The following EYS variants were observed in gnomAD, a reference collection of about 807,000 sequenced individuals.
EYS encodes protein eyes shut homolog.
Under a neutral mutation model 282.1 loss-of-function variants are expected in EYS, and 250 were observed. That is an observed-to-expected ratio of 0.89 (90% CI 0.80 to 0.98). The LOEUF (loss-of-function observed/expected upper bound fraction) is 0.98. EYS is among the 50% of genes least tolerant of loss of function. The pLI is 0.00. For synonymous variants in EYS, 1,355 were observed against 1,282.9 expected, an observed-to-expected ratio of 1.06 and a Z score of -1.20; for missense variants, 4,016 against 3,709.0, an observed-to-expected ratio of 1.08 and a Z score of -2.15.
At chr6:63,775,714 C>A (rs1040758238) in intron 40 of EYS, among the ~76,000 whole-genome samples, 5 of 151,822 alleles carry the variant, frequency 3.3e-5, no homozygotes, top group African/African-American at 4.8e-5. Flanking sequence ...AGGAGGTATT[C>A]TTATATTGAG....
chr6:64,719,554 G>A (rs908322160), intron 22 of EYS, among the ~76,000 whole-genome samples: 3 of 152,160 alleles, frequency 2.0e-5, no homozygotes, highest in African/African-American at 7.2e-5. Context: ...GAGAAACCTT[G>A]GCAAGAAGGA....
chr6:65,665,319 T>C (rs1048156635), intron 1 of EYS, among the ~76,000 whole-genome samples: 3 of 152,142 alleles, frequency 2.0e-5, no homozygotes, highest in African/African-American at 7.2e-5. Context: ...ATACTTTCTT[T>C]CTTCATTTAT....
At chr6:63,869,643 T>A (rs556539783) in intron 35 of EYS, among the ~76,000 whole-genome samples, 3 of 152,170 alleles carry the variant, frequency 2.0e-5, no homozygotes, top group Admixed American at 2.0e-4. Context: ...AAATGAGGTA[T>A]GTGTGAGAAT....
At chr6:64,934,870 A>G (rs914323768) in intron 15 of EYS, among the ~76,000 whole-genome samples, 5 of 151,878 alleles carry the variant, frequency 3.3e-5, no homozygotes, top group African/African-American at 4.8e-5. Flanking sequence ...TATTAAAACC[A>G]GTATAAATAT....
intron 8 of EYS, among the ~76,000 whole-genome samples, chr6:65,373,729 T>G (rs1037388905): frequency 1.3e-5 from 2 of 152,190 alleles, no homozygotes; most frequent in Non-Finnish European, 2.9e-5. Context: ...CTATACTTTT[T>G]AATATTCTTG....
chr6:65,020,059 T>A, intron 13 of EYS, among the ~76,000 whole-genome samples: 1 of 152,152 alleles, frequency 6.6e-6, no homozygotes, highest in East Asian at 1.9e-4. Context: ...ATGGGGATTA[T>A]GGGAACTACA....
chr6:63,946,779 T>A (rs1486196847), intron 35 of EYS, among the ~76,000 whole-genome samples: 1 of 151,662 alleles, frequency 6.6e-6, no homozygotes, highest in Non-Finnish European at 1.5e-5. Flanking sequence ...AGTCTCTGTT[T>A]TGCAGAATAA....
intron 31 of EYS, among the ~76,000 whole-genome samples, chr6:64,160,316 T>A (rs3003677): frequency 0.93 from 140,911 of 152,256 alleles, 66,002 homozygotes; most frequent in Non-Finnish European, 1. Context: ...GAACCACTGG[T>A]TTGAATTGCA....
chr6:63,972,317 CT>C (rs1414037901), intron 35 of EYS, among the ~76,000 whole-genome samples: 1 of 152,036 alleles, frequency 6.6e-6, no homozygotes, highest in Non-Finnish European at 1.5e-5. Flanking sequence ...TGAAAAATAG[CT>C]TTGAAAATTC....
At chr6:65,066,539 C>A (rs1486357774) in intron 12 of EYS, among the ~76,000 whole-genome samples, 1 of 152,086 alleles carries the variant, frequency 6.6e-6, no homozygotes, top group Non-Finnish European at 1.5e-5. Flanking sequence ...GTACAACAGA[C>A]CTGTTTCATG....
intron 13 of EYS, among the ~76,000 whole-genome samples, chr6:65,039,717 T>C (rs1772876033): frequency 6.6e-6 from 1 of 151,660 alleles, no homozygotes; most frequent in African/African-American, 2.4e-5. Context: ...TATAAAAAGA[T>C]ATTTTAGAAA....
intron 2 of EYS, among the ~76,000 whole-genome samples, chr6:65,569,462 C>T (rs1764404524): frequency 6.6e-6 from 1 of 152,146 alleles, no homozygotes; most frequent in African/African-American, 2.4e-5. Context: ...GGGGACCAGA[C>T]TGCCATTGTA....
chr6:65,257,451 G>T (rs1280351937), intron 12 of EYS, among the ~76,000 whole-genome samples: 1 of 130,448 alleles, frequency 7.7e-6, no homozygotes, highest in Non-Finnish European at 1.6e-5. Context: ...TTTTGTATAA[G>T]GTGTAAGGAA....
intron 2 of EYS, among the ~76,000 whole-genome samples, chr6:65,501,497 T>C (rs947803155): frequency 6.6e-6 from 1 of 151,868 alleles, no homozygotes; most frequent in African/African-American, 2.4e-5. Flanking sequence ...GTTGCCATTA[T>C]ACAGTTGGTC....
intron 33 of EYS, among the ~76,000 whole-genome samples, chr6:64,010,349 T>C (rs930221502): frequency 1.5e-5 from 2 of 132,952 alleles, no homozygotes; most frequent in Non-Finnish European, 3.1e-5. Flanking sequence ...CCAGCCTCCA[T>C]GTGTGCATTT....
At chr6:65,330,743 T>C (rs1769765784) in intron 11 of EYS, 1 of 957,622 alleles carries the variant, frequency 1.0e-6, no homozygotes, top group Non-Finnish European at 1.2e-6. Flanking sequence ...ATTGAAAAAT[T>C]TCTCCATCCC....
chr6:64,531,014 A>G (rs1764311016), intron 26 of EYS, among the ~76,000 whole-genome samples: 1 of 152,170 alleles, frequency 6.6e-6, no homozygotes, highest in African/African-American at 2.4e-5. Flanking sequence ...AGAGATTGCC[A>G]CACTATTTTG....
intron 2 of EYS, among the ~76,000 whole-genome samples, chr6:65,611,418 T>C (rs1396007837): frequency 6.6e-6 from 1 of 152,030 alleles, no homozygotes; most frequent in African/African-American, 2.4e-5. Context: ...AATATGGGTA[T>C]ATAAGAAAGA....
chr6:64,427,456 TG>T (rs1421406806), intron 28 of EYS, among the ~76,000 whole-genome samples: 1 of 152,120 alleles, frequency 6.6e-6, no homozygotes, highest in African/African-American at 2.4e-5. Context: ...CTTTTGGAAG[TG>T]TTCCATACTT....
Sources: gnomAD v4.1 joint callset for allele counts (sites outside exome capture counted in the v4.1 genomes callset) on GRCh38, gnomAD v4.1.1 for gene constraint, MANE v1.5 for transcripts, NCBI Gene and HGNC (gene_info 2026-07-23, HGNC 2026-07-21) for gene names.